The following MYO9B variants were observed in gnomAD, a reference collection of about 807,000 sequenced individuals.
MYO9B encodes unconventional myosin-IXb.
Under a neutral mutation model 229.5 loss-of-function variants are expected in MYO9B, and 71 were observed. The ratio of observed to expected loss-of-function variants is 0.31; its 90% CI spans 0.26 to 0.38. MYO9B has a LOEUF of 0.38. Among genes scored for constraint, MYO9B ranks in the 10% least tolerant of loss-of-function variants. The probability of loss-of-function intolerance (pLI) is 1.00; values close to 1 mark genes in which losing one functional copy is unlikely to be tolerated. For missense variants in MYO9B, 2,255 were observed against 2,920.5 expected, an observed-to-expected ratio of 0.77 and a Z score of 5.25; for synonymous variants, 1,185 against 1,235.8, an observed-to-expected ratio of 0.96 and a Z score of 0.86.
At chr19:17,207,304 C>T (rs1041964231) in intron 35 of MYO9B, 60 bp downstream of exon 35, 5 of 1,551,182 alleles carry the variant, frequency 3.2e-6, no homozygotes, top group Non-Finnish European at 3.5e-6. Flanking sequence ...GACCCCACGA[C>T]AGCTCCATCC....
intron 1 of MYO9B, among the ~76,000 whole-genome samples, chr19:17,085,646 A>G (rs1316401058): frequency 2.0e-5 from 3 of 149,414 alleles, no homozygotes; most frequent in African/African-American, 4.9e-5. Flanking sequence ...CAACATAGGG[A>G]GATCCCGTCT....
In MYO9B at chr19:17,119,453, A is replaced by C. The variant is rs376309437; in HGVS notation, c.840+16896A>C. On this transcript the variant is annotated intron_variant, in intron 2 of 39. Transcript: ENST00000682292. ...GAGTGCTGAGATGGAGTCACAGGAC[A>C]CTGAGGCAGCAGGGAGGCCGAGGAG... 2.3e-3 allele frequency among the ~76,000 whole-genome samples: 349 copies of C among 152,292 alleles called. 1 individual carries two copies. Among genetic ancestry groups the C allele is most frequent in the African/African-American group, 7.2e-3 (300 of 41,556 alleles).
chr19:17,212,543 C>T lies in MYO9B; in HGVS notation c.*233C>T. ...TCATGGACGCACCTGTGGGGAGCAC[C>T]ACATCTCCACCTGCGGCCTCACATC... is the stretch of plus-strand genomic sequence containing the variant. On this transcript the variant is annotated 3_prime_UTR_variant, in exon 40 of 40. Coordinates refer to ENST00000682292, the MANE Select transcript of MYO9B (RefSeq NM_004145.4). The surrounding 1 kb of genome is among the most constrained non-coding windows in gnomAD (Gnocchi z 5.4). 1 of 464,770 alleles carries T rather than the reference C, an allele frequency of 2.2e-6. No homozygotes were observed. The highest frequency in any genetic ancestry group is 3.8e-6 in the Non-Finnish European group (1 of 265,502). 28.8% of individuals were successfully genotyped at this position (464,770 alleles called of 1,614,324 possible).
intron 19 of MYO9B, among the ~76,000 whole-genome samples, chr19:17,190,781 C>T (rs2145440915): frequency 6.6e-6 from 1 of 152,148 alleles, no homozygotes; most frequent in South Asian, 2.1e-4. Flanking sequence ...GCCTCAGCCT[C>T]CCAAGTAGCT....
chr19:17,206,922 G>A lies in MYO9B; in HGVS notation c.5492+138G>A. 1.5e-5 allele frequency: 18 copies of A among 1,214,458 alleles called. No individual in the cohort carries two copies. The South Asian group carries it at 2.1e-4, about 14-fold the overall frequency. The allele number at this position is 1,214,458 out of a possible 1,614,324, so 75.2% of individuals were successfully genotyped here. A position where few individuals can be genotyped will look rare whatever the true frequency, so the allele number is the denominator to read the frequency against. ...TGCAGACCACTGTTGGGGGTTCTGG[G>A]AGGGGGCCAGGCTGCTGGGCCGCCC... On this transcript the variant is annotated intron_variant, in intron 34 of 39. Coordinates refer to ENST00000682292, the MANE Select transcript of MYO9B (RefSeq NM_004145.4).
rs2072543065 is a variant in MYO9B at position 17,156,891 on chromosome 19, G to C, written c.1200-18G>C. The C allele has an allele frequency of 1.2e-6, 2 of 1,609,420 alleles. No homozygotes were observed. Among genetic ancestry groups the C allele is most frequent in the African/African-American group, 2.7e-5 (2 of 74,726 alleles). On this transcript the variant is annotated intron_variant, in intron 6 of 39. Transcript: ENST00000682292. ...GAACGTAGAAACTACCCAAATATGA[G>C]TGCCTTTTCTTTCCCAGGATTTTTG...
intron 1 of MYO9B, among the ~76,000 whole-genome samples, chr19:17,082,778 G>T (rs559202448): frequency 6.6e-6 from 1 of 152,236 alleles, no homozygotes; most frequent in South Asian, 2.1e-4. Context: ...GTGGAAACTG[G>T]TTCCTTTCCC....
Position 17,212,459 on chromosome 19 carries a change from CAG to C in MYO9B, c.*152_*153del. The stretch of plus-strand genomic sequence containing the variant: ...GTGAGGTGGGCACCGGCCCCAAGTG[CAG>C]AGTCAAGGCAGGGAGAGGCCGGCTG... On this transcript the variant is annotated 3_prime_UTR_variant, in exon 40 of 40. Coordinates refer to ENST00000682292, the MANE Select transcript of MYO9B (RefSeq NM_004145.4). The surrounding 1 kb of genome is among the most constrained non-coding windows in gnomAD (Gnocchi z 5.4). The C allele has an allele frequency of 9.8e-7, 1 of 1,017,086 alleles. No homozygotes were observed. Among genetic ancestry groups the C allele is most frequent in the Middle Eastern group, 3.3e-4 (1 of 3,042 alleles). The allele number at this position is 1,017,086 out of a possible 1,614,324, so 63.0% of individuals were successfully genotyped here. A position where few individuals can be genotyped will look rare whatever the true frequency, so the allele number is the denominator to read the frequency against.
chr19:17,150,091 T>C (rs1285669673), intron 3 of MYO9B, among the ~76,000 whole-genome samples: 1 of 152,182 alleles, frequency 6.6e-6, no homozygotes, highest in Non-Finnish European at 1.5e-5. Flanking sequence ...ATCGTGTGTG[T>C]CCCTGTGTGA....
intron 5 of MYO9B, 100 bp from the exon 6 acceptor site, chr19:17,154,215 G>T: frequency 1.5e-6 from 2 of 1,362,076 alleles, no homozygotes; most frequent in South Asian, 2.4e-5. Context: ...CATTCCCCTG[G>T]TCCTGGGGCC....
chr19:17,176,402 C>A (rs1007988941), intron 14 of MYO9B, among the ~76,000 whole-genome samples: 2 of 151,470 alleles, frequency 1.3e-5, no homozygotes, highest in African/African-American at 4.9e-5. Flanking sequence ...AACTCCTGAC[C>A]TTGGGTGATC....
intron 3 of MYO9B, among the ~76,000 whole-genome samples, 195 bp downstream of exon 3, chr19:17,145,686 G>T (rs948428381): frequency 6.6e-6 from 1 of 152,160 alleles, no homozygotes; most frequent in African/African-American, 2.4e-5. Context: ...TGTGGGCAGG[G>T]GCTGGGGGAC....
chr19:17,180,988 C>G lies in MYO9B; in HGVS notation c.2281C>G (p.Arg761Gly), dbSNP rs570945934. 3.9e-5 allele frequency: 63 copies of G among 1,611,304 alleles called. No homozygotes were observed. The highest frequency in any genetic ancestry group is 4.9e-5 in the Non-Finnish European group (58 of 1,178,960). The change falls in exon 15 of 40, where the codon CGT becomes GGT. Residue 761 changes from arginine to glycine, a missense_variant. This residue lies in a region of MYO9B where 155 missense variants were observed against 159.1 expected (regional missense o/e 0.97). Transcript: ENST00000682292. ...ATTGCCCTGGCAGGGCGAGGACCCC[C>G]GTAGCCTTCTCCAGTCCCTCAGTCG... ...KGLPWQGEDP[R>G]SLLQSLSRLQ...
chr19:17,174,256 C>T (rs1259491629), intron 13 of MYO9B, among the ~76,000 whole-genome samples: 1 of 152,036 alleles, frequency 6.6e-6, no homozygotes, highest in African/African-American at 2.4e-5. Context: ...TGGTCTCGAT[C>T]TCCTGACCTC....
chr19:17,118,557 C>T (rs953964753), intron 2 of MYO9B, among the ~76,000 whole-genome samples: 1 of 151,968 alleles, frequency 6.6e-6, no homozygotes, highest in Non-Finnish European at 1.5e-5. Context: ...TCTTGGCTCA[C>T]TAAAACCTCC....
intron 1 of MYO9B, among the ~76,000 whole-genome samples, chr19:17,098,196 A>G (rs2057711440): frequency 1.3e-5 from 2 of 152,074 alleles, no homozygotes; most frequent in East Asian, 1.9e-4. Flanking sequence ...CTGGGATTAC[A>G]GGCACCCACC....
chr19:17,202,925 A>G (rs1185335792), intron 29 of MYO9B, 42 bp downstream of exon 29: 7 of 1,583,000 alleles, frequency 4.4e-6, no homozygotes, highest in African/African-American at 2.7e-5. Flanking sequence ...GCAGGCGAAC[A>G]TTGGCAGGAG....
intron 19 of MYO9B, among the ~76,000 whole-genome samples, chr19:17,188,974 C>G (rs993880946): frequency 2.4e-4 from 36 of 147,366 alleles, no homozygotes; most frequent in African/African-American, 8.9e-4. Context: ...ATGGTGAAAC[C>G]CCGTCTCTAC....
At chr19:17,190,669 T>C (rs550338719) in intron 19 of MYO9B, among the ~76,000 whole-genome samples, 1 of 151,490 alleles carries the variant, frequency 6.6e-6, no homozygotes, top group East Asian at 2.0e-4. Context: ...ATTTCTTTTT[T>C]TTTTCTTAAG....
Sources: gnomAD v4.1 joint callset for allele counts (sites outside exome capture counted in the v4.1 genomes callset) on GRCh38, gnomAD v4.1.1 for gene constraint, gnomAD v4.1.1 regional missense constraint, Gnocchi (gnomAD v3.1) non-coding constraint, MANE v1.5 for transcripts, NCBI Gene and HGNC (gene_info 2026-07-23, HGNC 2026-07-21) for gene names.